Variants in MME observed in about 807,000 individuals in gnomAD.
MME encodes membrane metalloendopeptidase.
MME carries 98 observed loss-of-function variants against 113.2 expected under a neutral mutation model. The ratio of observed to expected loss-of-function variants is 0.87; its 90% CI spans 0.74 to 1.02. The LOEUF (loss-of-function observed/expected upper bound fraction) is 1.02. Among genes scored for constraint, MME ranks in the 50% least tolerant of loss-of-function variants. The pLI, the probability that MME is intolerant of heterozygous loss-of-function variation, is 0.00. For synonymous variants in MME, 292 were observed against 300.6 expected (o/e 0.97, Z 0.30); for missense variants, 836 against 896.0 (o/e 0.93, Z 0.86).
intron 1 of MME, among the ~76,000 whole-genome samples, chr3:155,059,637 A>T (rs942059889): frequency 1.3e-5 from 2 of 152,196 alleles, no homozygotes; most frequent in South Asian, 4.1e-4. Context: ...TTCATTTATG[A>T]ATGATGATGC....
rs368888340 is a variant in MME at position 155,168,529 on chromosome 3, G to A, written c.1818G>A (p.Trp606Ter). 12 of 1,612,738 alleles carry A rather than the reference G, an allele frequency of 7.4e-6. No homozygotes were observed. The highest frequency in any genetic ancestry group is 2.2e-5 in the East Asian group (1 of 44,786). Residue 606 changes from tryptophan to a stop codon, truncating the protein, a stop_gained, in exon 19 of 23, where the codon TGG (tryptophan) becomes TGA (stop). Coordinates refer to ENST00000360490, the MANE Select transcript of MME (RefSeq NM_007289.4). LOFTEE classifies it high-confidence loss of function. ...NFNKDGDLVD[W>*]WTQQSASNFK... is the part of the protein sequence containing the mutation. ...ACAAAGATGGAGACCTCGTTGACTG[G>A]TGGACTCAACAGTCTGCAAGTAACT...
chr3:155,033,061 A>C lies in MME; in HGVS notation c.-11+8737A>C, dbSNP rs1468801473. On this transcript the variant is annotated intron_variant, in intron 1 of 22. Transcript: ENST00000492661. ...GGTCTGAGTTAGGTACAGGGCAATA[A>C]AGGAGAAAGTTAATCTATAAAAAAG... Among the ~76,000 whole-genome samples the C allele has an allele frequency of 2.0e-5, 3 of 152,220 alleles. No individual in the cohort carries two copies. In the East Asian group the frequency reaches 5.8e-4, roughly 29 times the overall value.
chr3:155,059,588 T>C (rs923353777), intron 1 of MME, among the ~76,000 whole-genome samples: 1 of 152,132 alleles, frequency 6.6e-6, no homozygotes, highest in African/African-American at 2.4e-5. Context: ...AACCACTATA[T>C]TTTATGTTTC....
chr3:155,045,285 G>C (rs1713518509), intron 1 of MME, among the ~76,000 whole-genome samples: 1 of 151,924 alleles, frequency 6.6e-6, no homozygotes, highest in South Asian at 2.1e-4. Flanking sequence ...TGAGTAGCTG[G>C]GACTACAGGT....
At chr3:155,044,406 A>G (rs1559890631) in intron 1 of MME, among the ~76,000 whole-genome samples, 1 of 151,998 alleles carries the variant, frequency 6.6e-6, no homozygotes, top group Non-Finnish European at 1.5e-5. Context: ...GTACTGGGAG[A>G]TTACAGGTGT....
At chr3:155,156,882 G>A (rs1174759031) in intron 16 of MME, among the ~76,000 whole-genome samples, 1 of 151,954 alleles carries the variant, frequency 6.6e-6, no homozygotes. Context: ...ACAAGAGTGG[G>A]TGAAAAAAAT....
At chr3:155,046,307 A>G (rs1173865997) in intron 1 of MME, among the ~76,000 whole-genome samples, 1 of 152,246 alleles carries the variant, frequency 6.6e-6, no homozygotes, top group Non-Finnish European at 1.5e-5. Context: ...TGAATATATT[A>G]TACAATCTTG....
intron 15 of MME, among the ~76,000 whole-genome samples, chr3:155,147,839 A>G (rs1196710859): frequency 6.6e-6 from 1 of 152,176 alleles, no homozygotes; most frequent in African/African-American, 2.4e-5. Context: ...CTGGGATGAC[A>G]GTGATTCCTC....
chr3:155,115,177 G>A (rs1044651011), intron 4 of MME, 22 bp downstream of exon 4: 6 of 1,612,438 alleles, frequency 3.7e-6, no homozygotes, highest in African/African-American at 1.3e-5. Flanking sequence ...TTGTGTCTGT[G>A]CATCAAAGAT....
chr3:155,064,862 C>A (rs781356363), intron 1 of MME, among the ~76,000 whole-genome samples: 3 of 152,182 alleles, frequency 2.0e-5, no homozygotes, highest in Non-Finnish European at 4.4e-5. Context: ...ACTCTTCTAG[C>A]TTCTGGTGTT....
intron 15 of MME, among the ~76,000 whole-genome samples, chr3:155,147,733 C>T (rs1370868843): frequency 1.3e-5 from 2 of 152,180 alleles, no homozygotes; most frequent in African/African-American, 4.8e-5. Flanking sequence ...CACTGCAGTG[C>T]TGATTTCAGA....
chr3:155,160,503 A>G, intron 17 of MME, 55 bp downstream of exon 17: 2 of 1,188,206 alleles, frequency 1.7e-6, no homozygotes, highest in South Asian at 1.2e-5. Context: ...CCCAACCTGT[A>G]GTGCATTGTA....
intron 3 of MME, among the ~76,000 whole-genome samples, chr3:155,114,276 T>A (rs2108249171): frequency 6.6e-6 from 1 of 152,326 alleles, no homozygotes; most frequent in African/African-American, 2.4e-5. Flanking sequence ...TCCTATTTTA[T>A]ACATCTTTCT....
chr3:155,046,053 T>C (rs1713547402), intron 1 of MME, among the ~76,000 whole-genome samples: 1 of 152,212 alleles, frequency 6.6e-6, no homozygotes, highest in Admixed American at 6.5e-5. Context: ...TAGCCGGATT[T>C]TCTTCAACTA....
rs1470810249 is a variant in MME at position 155,096,556 on chromosome 3, G to A, written c.196+11462G>A. 2.0e-5 allele frequency among the ~76,000 whole-genome samples: 3 copies of A among 152,140 alleles called. No homozygotes were observed. The South Asian group carries it at 6.2e-4, about 32-fold the overall frequency. On this transcript the variant is annotated intron_variant, in intron 3 of 22. Coordinates refer to ENST00000360490, the MANE Select transcript of MME (RefSeq NM_007289.4). Reference sequence around the variant, plus strand: ...GCGGTGGGAGGTCACAGAAGGAAGGGTTTTAAATGACGCATGACTTTATCA... The same window carrying A: ...GCGGTGGGAGGTCACAGAAGGAAGGATTTTAAATGACGCATGACTTTATCA...
intron 15 of MME, among the ~76,000 whole-genome samples, chr3:155,147,589 C>T (rs563511450): frequency 6.6e-6 from 1 of 152,252 alleles, no homozygotes; most frequent in South Asian, 2.1e-4. Context: ...AAGTTTTCCT[C>T]TACTGGAAAA....
chr3:155,118,665 C>A, intron 7 of MME, 81 bp from the exon 8 acceptor site: 1 of 901,866 alleles, frequency 1.1e-6, no homozygotes, highest in Non-Finnish European at 1.8e-6. Context: ...CTTTCACATA[C>A]ATAGATAGAC....
In MME at chr3:155,042,247, A is replaced by G. The variant is rs536764686; in HGVS notation, c.-11+17923A>G. ...TGCAAACTAGTTCCTGACAATTTTT[A>G]TAATGGAATTTCTTCCATCAGCTGG... On this transcript the variant is annotated intron_variant, in intron 1 of 22. Coordinates refer to the MME transcript ENST00000492661. Among the ~76,000 whole-genome samples, 114 of 152,310 alleles carry G rather than the reference A, an allele frequency of 7.5e-4. 1 individual carries two copies. Among genetic ancestry groups the G allele is most frequent in the Admixed American group, 2.4e-3 (37 of 15,298 alleles).
Position 155,180,449 on chromosome 3 carries a change from G to T in MME, c.2243G>T (p.Arg748Leu). The change falls in exon 23 of 23, where the codon CGG becomes CTG. Residue 748 changes from arginine to leucine, a missense_variant. Physicochemically the swap from Arg to Leu is moderately radical, Grantham distance 102. Transcript: ENST00000360490. ...TACATGAATCCAGAAAAGAAGTGCC[G>T]GGTTTGGTGATCTTCAAAAGAAGCA... ...NSYMNPEKKC[R>L]VW 1 of 1,612,866 alleles carries T rather than the reference G, an allele frequency of 6.2e-7. No homozygotes were observed. Among genetic ancestry groups the T allele is most frequent in the South Asian group, 1.1e-5 (1 of 91,048 alleles).
Sources: gnomAD v4.1 joint callset for allele counts (sites outside exome capture counted in the v4.1 genomes callset) on GRCh38, gnomAD v4.1.1 for gene constraint, MANE v1.5 for transcripts, NCBI Gene and HGNC (gene_info 2026-07-23, HGNC 2026-07-21) for gene names.